UBE2E2: variants seen among roughly 807,000 people sequenced by gnomAD.
UBE2E2 encodes the protein ubiquitin conjugating enzyme E2 E2.
In UBE2E2, 6 loss-of-function variants were observed where a neutral mutation model predicts 24.7. That is an observed-to-expected ratio of 0.24 (90% CI 0.13 to 0.48). The LOEUF is 0.48. UBE2E2 is among the 20% of genes least tolerant of loss of function. The probability of loss-of-function intolerance (pLI) is 0.99; values close to 1 mark genes in which losing one functional copy is unlikely to be tolerated. For synonymous variants in UBE2E2, 104 were observed against 83.6 expected (o/e 1.24, Z -1.33); for missense variants, 169 against 245.0 (o/e 0.69, Z 2.07).
intron 4 of UBE2E2, among the ~76,000 whole-genome samples, chr3:23,521,326 T>C (rs1226119733): frequency 6.6e-5 from 10 of 152,224 alleles, no homozygotes; most frequent in Non-Finnish European, 1.5e-4. Flanking sequence ...ACAGCAAGTG[T>C]GATATGGTCA....
At chr3:23,581,448 A>G (rs546775765) in intron 5 of UBE2E2, among the ~76,000 whole-genome samples, 3 of 152,216 alleles carry the variant, frequency 2.0e-5, no homozygotes, top group Admixed American at 1.3e-4. Context: ...GAAGACAATC[A>G]GGTATATATT....
At chr3:23,510,726 A>C (rs541452885) in intron 4 of UBE2E2, among the ~76,000 whole-genome samples, 1 of 152,316 alleles carries the variant, frequency 6.6e-6, no homozygotes, top group Admixed American at 6.5e-5. Flanking sequence ...TCAGTGTATT[A>C]GCTGTTAACA....
At chr3:23,479,440 A>T (rs895791577) in intron 3 of UBE2E2, among the ~76,000 whole-genome samples, 46 of 152,210 alleles carry the variant, frequency 3.0e-4, no homozygotes, top group African/African-American at 1.1e-3. Flanking sequence ...CTCAAAAAGG[A>T]TGTCAACAGT....
intron 3 of UBE2E2, among the ~76,000 whole-genome samples, chr3:23,271,666 A>T (rs1451085958): frequency 6.6e-6 from 1 of 151,576 alleles, no homozygotes; most frequent in Non-Finnish European, 1.5e-5. Flanking sequence ...TGTATTTACA[A>T]TCCTCTAGCT....
intron 3 of UBE2E2, among the ~76,000 whole-genome samples, chr3:23,366,181 G>C (rs533787965): frequency 6.6e-6 from 1 of 152,298 alleles, no homozygotes; most frequent in Admixed American, 6.5e-5. Flanking sequence ...TGTTGAGGTT[G>C]TGGAGAAAAG....
chr3:23,392,972 A>AG (rs982241058), intron 3 of UBE2E2, among the ~76,000 whole-genome samples: 4 of 152,196 alleles, frequency 2.6e-5, no homozygotes, highest in African/African-American at 9.6e-5. Context: ...GTGCTAAGTG[A>AG]GGATGCGGCA....
At chr3:23,575,146 C>T (rs1696320142) in intron 5 of UBE2E2, among the ~76,000 whole-genome samples, 1 of 152,162 alleles carries the variant, frequency 6.6e-6, no homozygotes, top group Non-Finnish European at 1.5e-5. Context: ...CATGTGTAGA[C>T]AATGCCAGAT....
In UBE2E2 at chr3:23,589,573, A is replaced by G. The variant is rs931480080; in HGVS notation, c.509-161A>G. Among the ~76,000 whole-genome samples the G allele has an allele frequency of 3.3e-5, 5 of 152,304 alleles. No homozygotes were observed. Among genetic ancestry groups the G allele is most frequent in the Middle Eastern group, 3.4e-3 (1 of 294 alleles). ...TCTTGGGGCAGCTGGTGTGAAATGT[A>G]GTCTGTCAGCAGCAGGTGACTGGCT... is the stretch of plus-strand genomic sequence containing the variant. On this transcript the variant is annotated intron_variant, in intron 5 of 5. Coordinates refer to ENST00000396703, the MANE Select transcript of UBE2E2 (RefSeq NM_152653.4). This position sits in a 1 kb window ranked among gnomAD's most constrained non-coding sequence, Gnocchi z 4.1.
At chr3:23,542,759 G>A (rs1244861117) in intron 5 of UBE2E2, among the ~76,000 whole-genome samples, 1 of 151,892 alleles carries the variant, frequency 6.6e-6, no homozygotes, top group Non-Finnish European at 1.5e-5. Flanking sequence ...GAGGCTCTTT[G>A]CTCTGGGAAC....
intron 3 of UBE2E2, among the ~76,000 whole-genome samples, chr3:23,491,969 A>G (rs575259011): frequency 6.6e-6 from 1 of 152,348 alleles, no homozygotes; most frequent in African/African-American, 2.4e-5. Flanking sequence ...GGCATGGTCA[A>G]GGATGACTCT....
intron 3 of UBE2E2, among the ~76,000 whole-genome samples, chr3:23,271,816 C>T (rs1317185112): frequency 6.6e-6 from 1 of 151,986 alleles, no homozygotes; most frequent in Non-Finnish European, 1.5e-5. Flanking sequence ...GTTCTCCAAG[C>T]CCCCACCAGA....
intron 3 of UBE2E2, among the ~76,000 whole-genome samples, chr3:23,288,719 C>T (rs1253338802): frequency 6.6e-6 from 1 of 151,916 alleles, no homozygotes; most frequent in Non-Finnish European, 1.5e-5. Context: ...TGTATAGCTG[C>T]TCATGCTTTT....
intron 4 of UBE2E2, among the ~76,000 whole-genome samples, chr3:23,526,116 C>A (rs1470100763): frequency 6.6e-6 from 1 of 152,106 alleles, no homozygotes; most frequent in East Asian, 1.9e-4. Flanking sequence ...CTGATGTAAC[C>A]AGACCACTCA....
chr3:23,441,816 A>ATT (rs35961001), intron 3 of UBE2E2, among the ~76,000 whole-genome samples: 1 of 151,956 alleles, frequency 6.6e-6, no homozygotes, highest in Non-Finnish European at 1.5e-5. Flanking sequence ...TAAATATATC[A>ATT]TTTTTTTTAA....
chr3:23,246,305 C>G (rs965042352), intron 3 of UBE2E2, among the ~76,000 whole-genome samples: 6 of 148,422 alleles, frequency 4.0e-5, no homozygotes, highest in Admixed American at 4.0e-4. Flanking sequence ...ACTGCAAGCT[C>G]CGCCTCCCAG....
intron 3 of UBE2E2, among the ~76,000 whole-genome samples, chr3:23,281,496 G>T (rs915365780): frequency 6.6e-6 from 1 of 152,148 alleles, no homozygotes; most frequent in African/African-American, 2.4e-5. Flanking sequence ...AATTAGTTGG[G>T]CCCAGTGGCA....
chr3:23,378,236 TAAAA>T (rs56808350), intron 3 of UBE2E2, among the ~76,000 whole-genome samples: 3 of 118,064 alleles, frequency 2.5e-5, no homozygotes, highest in African/African-American at 9.7e-5. Flanking sequence ...AAATAAGCAG[TAAAA>T]AAAAAAAAAA....
At chr3:23,288,122 T>A (rs1698668354) in intron 3 of UBE2E2, among the ~76,000 whole-genome samples, 1 of 152,192 alleles carries the variant, frequency 6.6e-6, no homozygotes, top group South Asian at 2.1e-4. Context: ...CTATGTTGTT[T>A]TTCCATTATC....
intron 5 of UBE2E2, among the ~76,000 whole-genome samples, chr3:23,535,060 C>T (rs184509837): frequency 2.8e-4 from 42 of 152,236 alleles, no homozygotes; most frequent in Admixed American, 7.8e-4. Context: ...TATGACTACC[C>T]ATCCTTATCA....
Sources: allele counts gnomAD v4.1 joint callset (sites outside exome capture counted in the v4.1 genomes callset), GRCh38; gene constraint gnomAD v4.1.1; non-coding constraint Gnocchi (gnomAD v3.1); transcripts MANE v1.5; gene names NCBI Gene and HGNC (gene_info 2026-07-23, HGNC 2026-07-21).